The following XPNPEP2 variants were observed in gnomAD, a reference collection of about 807,000 sequenced individuals.
The protein encoded by XPNPEP2 is X-prolyl aminopeptidase 2.
In XPNPEP2, 64 loss-of-function variants were observed where a neutral mutation model predicts 59.8. The ratio of observed to expected loss-of-function variants is 1.07; its 90% CI spans 0.87 to 1.32. XPNPEP2 has a LOEUF of 1.32. XPNPEP2 is among the 40% of genes most tolerant of loss of function. XPNPEP2 has a pLI of 0.00. For missense variants in XPNPEP2, 575 were observed against 546.8 expected, an observed-to-expected ratio of 1.05 and a Z score of -0.51; for synonymous variants, 235 against 210.0, an observed-to-expected ratio of 1.12 and a Z score of -1.03.
At chrX:129,767,235 T>C (rs1029552915) in intron 19 of XPNPEP2, among the ~76,000 whole-genome samples, 1 of 111,886 alleles carries the variant, frequency 8.9e-6, no homozygotes, top group Non-Finnish European at 1.9e-5. Context: ...AATAAAATAA[T>C]TGAAATTTAG....
In XPNPEP2 at chrX:129,757,801, A is replaced by C. The variant is rs889848289; in HGVS notation, c.1367+1246A>C. Among the ~76,000 whole-genome samples, 4 of 51,636 alleles carry C rather than the reference A, an allele frequency of 7.7e-5. 1 individual carries two copies. The highest frequency in any genetic ancestry group is 3.5e-5 in the Non-Finnish European group (1 of 28,891). The allele number at this position is 51,636 out of a possible 115,157, so 44.8% of individuals were successfully genotyped here. On this transcript the variant is annotated intron_variant, in intron 14 of 20. Transcript: ENST00000371106. ...TAAGAGCAAGACTATAAAAGGAAGA[A>C]AGAAAGAAAGAAAGAAAGAAAGAAA...
Position 129,747,680 on chromosome X carries a change from G to A in XPNPEP2, c.564G>A (p.Val188=). 8.3e-7 allele frequency: 1 copy of A among 1,212,083 alleles called. No individual in the cohort carries two copies. Among genetic ancestry groups the A allele is most frequent in the Non-Finnish European group, 1.1e-6 (1 of 895,607 alleles). ...RQLVSITTNL[V]DLVWGSERPP... Reference sequence around the variant, plus strand: ...TGGTGTCCATCACAACCAATCTTGTGGACCTGGTATGGGGATCAGAGAGGC... The same window carrying A: ...TGGTGTCCATCACAACCAATCTTGTAGACCTGGTATGGGGATCAGAGAGGC... Residue 188 remains valine, a synonymous_variant, in exon 7 of 21, where the codon GTG becomes GTA. Transcript: ENST00000371106.
chrX:129,768,707 T>G lies in XPNPEP2; in HGVS notation c.*222T>G. Reference sequence around the variant, plus strand: ...CACCTCCCTGCACCCCGGGGTTGTATACCACACCCTGGGCCCCTAATCCCA... The same window carrying G: ...CACCTCCCTGCACCCCGGGGTTGTAGACCACACCCTGGGCCCCTAATCCCA... On this transcript the variant is annotated 3_prime_UTR_variant, in exon 21 of 21. Transcript: ENST00000371106. 6.5e-6 allele frequency: 2 copies of G among 306,166 alleles called. No individual in the cohort carries two copies. The highest frequency in any genetic ancestry group is 1.1e-5 in the Non-Finnish European group (2 of 176,718). The allele number at this position is 306,166 out of a possible 1,213,427, so 25.2% of individuals were successfully genotyped here.
At chrX:129,763,152 T>C (rs1313711893) in intron 19 of XPNPEP2, among the ~76,000 whole-genome samples, 1 of 112,087 alleles carries the variant, frequency 8.9e-6, no homozygotes, top group Non-Finnish European at 1.9e-5. Context: ...AAGGCTTACA[T>C]GGAGAAACTC....
At chrX:129,745,851 G>A (rs1926285021) in intron 4 of XPNPEP2, among the ~76,000 whole-genome samples, 1 of 110,972 alleles carries the variant, frequency 9.0e-6, no homozygotes, top group Non-Finnish European at 1.9e-5. Flanking sequence ...TTTTCCCTTT[G>A]CCAAAGTCTC....
At chrX:129,742,558 C>T (rs759831428) in intron 2 of XPNPEP2, among the ~76,000 whole-genome samples, 22 of 110,629 alleles carry the variant, frequency 2.0e-4, no homozygotes, top group African/African-American at 7.2e-4. Flanking sequence ...TCTAGAGTGA[C>T]AGCAAAAAGA....
chrX:129,763,145 G>C (rs767249254), intron 19 of XPNPEP2, among the ~76,000 whole-genome samples: 1 of 111,732 alleles, frequency 8.9e-6, no homozygotes. Context: ...ACTTAAAAAG[G>C]CTTACATGGA....
chrX:129,762,600 A>G, intron 18 of XPNPEP2, 94 bp from the exon 19 acceptor site: 2 of 797,061 alleles, frequency 2.5e-6, no homozygotes, highest in South Asian at 2.2e-5. Context: ...ACAGCCAGAC[A>G]GCCAGTCCCT....
In XPNPEP2 at chrX:129,755,388, A is replaced by T; in HGVS notation, c.1295+17A>T. 1 of 1,197,971 alleles carries T rather than the reference A, an allele frequency of 8.3e-7. No individual in the cohort carries two copies. Among genetic ancestry groups the T allele is most frequent in the Non-Finnish European group, 1.1e-6 (1 of 883,839 alleles). Reference sequence around the variant, plus strand: ...CCACTACAGGTACTTGAGGAAAAAGAATTTTCTAGGGCCCTGTTGGGGCAT... The same window carrying T: ...CCACTACAGGTACTTGAGGAAAAAGTATTTTCTAGGGCCCTGTTGGGGCAT... On this transcript the variant is annotated intron_variant, in intron 13 of 20. Transcript: ENST00000371106.
In XPNPEP2 at chrX:129,750,474, C is replaced by T. The variant is rs138365897; in HGVS notation, c.644C>T (p.Thr215Ile). ...GGGGCTCCTTTGCTTCTAGGGAGCA[C>T]TTGGCAGGAGAAAGTATCTGGCGTC... Reference protein sequence around the residue: ...YALQEAFTGSTWQEKVSGVRS... With the variant: ...YALQEAFTGSIWQEKVSGVRS... The change falls in exon 8 of 21, where the codon ACT (threonine) becomes ATT (isoleucine). Residue 215 changes from threonine to isoleucine, a missense_variant. Coordinates refer to ENST00000371106, the MANE Select transcript of XPNPEP2 (RefSeq NM_003399.6). 3.8e-3 allele frequency: 4,543 copies of T among 1,192,028 alleles called. 10 individuals carry two copies. Among genetic ancestry groups the T allele is most frequent in the Non-Finnish European group, 4.5e-3 (3,997 of 885,714 alleles).
In XPNPEP2 at chrX:129,747,590, CCTT is replaced by C. The variant is rs767848703; in HGVS notation, c.491-13_491-11del. 25 of 1,207,667 alleles carry C rather than the reference CCTT, an allele frequency of 2.1e-5. No homozygotes were observed. The East Asian group carries it at 3.9e-4, about 19-fold the overall frequency. ...GTAAATGGGCAAGGGACAAGTGACT[CCTT>C]CTTGTCTCTGCAGACACCTGGGAGA... is the stretch of plus-strand genomic sequence containing the variant. On this transcript the variant is annotated splice_polypyrimidine_tract_variant and intron_variant, in intron 6 of 20. Coordinates refer to ENST00000371106, the MANE Select transcript of XPNPEP2 (RefSeq NM_003399.6).
intron 1 of XPNPEP2, among the ~76,000 whole-genome samples, chrX:129,741,180 GGTCACTCTCGA>G (rs1243998230): frequency 2.0e-5 from 2 of 99,627 alleles, no homozygotes; most frequent in Non-Finnish European, 4.0e-5. Context: ...ATTGGGGGGG[GGTCACTCTCGA>G]GTCACTCTAA....
chrX:129,757,361 G>A (rs1926545134), intron 14 of XPNPEP2, among the ~76,000 whole-genome samples: 2 of 110,269 alleles, frequency 1.8e-5, no homozygotes, highest in Non-Finnish European at 3.8e-5. Flanking sequence ...GGACACCCCC[G>A]CACCACCAAC....
rs1318839529 is a variant in XPNPEP2, at chrX:129,761,161, T to C, written c.1499-11T>C. 6 of 1,207,573 alleles carry C rather than the reference T, an allele frequency of 5.0e-6. No individual in the cohort carries two copies. In the Admixed American group the frequency reaches 1.3e-4, roughly 26 times the overall value. On this transcript the variant is annotated splice_polypyrimidine_tract_variant and intron_variant, in intron 16 of 20. Coordinates refer to ENST00000371106, the MANE Select transcript of XPNPEP2 (RefSeq NM_003399.6). ...GCCATCTGACTGGGGTCAATCTCTC[T>C]TCCCTTCCAGGGCGAATGGTGGAGG...
intron 3 of XPNPEP2, 88 bp from the exon 4 acceptor site, chrX:129,745,115 A>G (rs1418251152): frequency 2.7e-6 from 3 of 1,095,919 alleles, no homozygotes; most frequent in African/African-American, 3.6e-5. Flanking sequence ...GAGCCGACAG[A>G]CAGAAATAAC....
chrX:129,745,285 C>A lies in XPNPEP2; in HGVS notation c.298+19C>A. 2.5e-6 allele frequency: 3 copies of A among 1,210,475 alleles called. No homozygotes were observed. Among genetic ancestry groups the A allele is most frequent in the Non-Finnish European group, 3.4e-6 (3 of 894,524 alleles). ...TCTGCAGGTGACAATCATTACCCAG[C>A]CCCATTGCTTTTGTTGGTAGATCCA... On this transcript the variant is annotated intron_variant, in intron 4 of 20. Transcript: ENST00000371106.
intron 6 of XPNPEP2, among the ~76,000 whole-genome samples, chrX:129,747,163 C>G (rs970876805): frequency 8.9e-6 from 1 of 112,307 alleles, no homozygotes; most frequent in Non-Finnish European, 1.9e-5. Flanking sequence ...GCTGGCAAGC[C>G]CATTCCCCCA....
intron 3 of XPNPEP2, 112 bp from the exon 4 acceptor site, chrX:129,745,091 C>G: frequency 1.1e-6 from 1 of 914,564 alleles, no homozygotes. Flanking sequence ...GGGCTTGTAG[C>G]TGACAAGGGG....
intron 14 of XPNPEP2, among the ~76,000 whole-genome samples, chrX:129,758,183 T>G (rs1926591366): frequency 8.9e-6 from 1 of 111,802 alleles, no homozygotes; most frequent in Non-Finnish European, 1.9e-5. Context: ...TGCTTGTTCT[T>G]AGCACAGCTC....
Sources: allele counts gnomAD v4.1 joint callset (sites outside exome capture counted in the v4.1 genomes callset), GRCh38; gene constraint gnomAD v4.1.1; transcripts MANE v1.5; gene names NCBI Gene and HGNC (gene_info 2026-07-23, HGNC 2026-07-21).